MGMT: variants seen among roughly 807,000 people sequenced by gnomAD.
MGMT encodes methylated-DNA--protein-cysteine methyltransferase.
Under a neutral mutation model 15.9 loss-of-function variants are expected in MGMT, and 14 were observed. That is an observed-to-expected ratio of 0.88 (90% CI 0.58 to 1.37). The LOEUF (loss-of-function observed/expected upper bound fraction) is 1.37, where lower values mean the gene tolerates loss of function less well. MGMT is among the 40% of genes most tolerant of loss of function. The pLI, the probability that MGMT is intolerant of heterozygous loss-of-function variation, is 0.00. For synonymous variants in MGMT, 130 were observed against 118.2 expected, an observed-to-expected ratio of 1.10 and a Z score of -0.65; for missense variants, 282 against 268.1, an observed-to-expected ratio of 1.05 and a Z score of -0.36.
At chr10:129,519,275 G>A (rs1275599135) in intron 1 of MGMT, among the ~76,000 whole-genome samples, 1 of 152,146 alleles carries the variant, frequency 6.6e-6, no homozygotes, top group Non-Finnish European at 1.5e-5. Context: ...TAATCAAATG[G>A]AAAGTGCACT....
chr10:129,526,553 T>G (rs1006944481), intron 1 of MGMT, among the ~76,000 whole-genome samples: 6 of 152,180 alleles, frequency 3.9e-5, no homozygotes, highest in Non-Finnish European at 8.8e-5. Flanking sequence ...TGAGGTGTGG[T>G]CTCACTGTGC....
At chr10:129,714,573 A>G (rs1446263121) in intron 3 of MGMT, among the ~76,000 whole-genome samples, 1 of 152,108 alleles carries the variant, frequency 6.6e-6, no homozygotes, top group African/African-American at 2.4e-5. Context: ...ACCCCTCCTC[A>G]AGATACACTA....
chr10:129,580,809 C>A (rs997579774), intron 2 of MGMT, among the ~76,000 whole-genome samples: 1 of 152,222 alleles, frequency 6.6e-6, no homozygotes. Flanking sequence ...CAAGTGCCTT[C>A]CTTGTGTGCT....
chr10:129,687,889 T>A (rs1364686480), intron 2 of MGMT, among the ~76,000 whole-genome samples: 1 of 149,844 alleles, frequency 6.7e-6, no homozygotes, highest in East Asian at 2.0e-4. Flanking sequence ...GATGTTCCCC[T>A]TCCTGTGTCC....
intron 1 of MGMT, among the ~76,000 whole-genome samples, chr10:129,526,310 C>T (rs1192418338): frequency 6.6e-6 from 1 of 152,128 alleles, no homozygotes; most frequent in African/African-American, 2.4e-5. Context: ...TCCCCAATGC[C>T]CCTTATTCCC....
In MGMT at chr10:129,769,771, G is replaced by A. The variant is rs1848980760; in HGVS notation, c.*2774G>A. On this transcript the variant is annotated 3_prime_UTR_variant, in exon 5 of 5. Transcript: ENST00000651593. ...CCTGCATTCCACGTGTCCTGTGGCC[G>A]CCTCCAGTGGTGAGTCTGTGAGGCC... is the stretch of plus-strand genomic sequence containing the variant. Among the ~76,000 whole-genome samples the A allele has an allele frequency of 6.6e-6, 1 of 152,178 alleles. No homozygotes were observed. The highest frequency in any genetic ancestry group is 1.5e-5 in the Non-Finnish European group (1 of 68,050).
chr10:129,603,913 C>G (rs1000597181), intron 2 of MGMT, among the ~76,000 whole-genome samples: 2 of 152,250 alleles, frequency 1.3e-5, no homozygotes, highest in African/African-American at 4.8e-5. Context: ...CCTGTGCCCT[C>G]TTGCAGGTTC....
At chr10:129,512,301 A>T (rs1845692596) in intron 1 of MGMT, among the ~76,000 whole-genome samples, 1 of 151,968 alleles carries the variant, frequency 6.6e-6, no homozygotes, top group East Asian at 1.9e-4. Context: ...ACCCGCTTTA[A>T]CTTCTTCCTA....
chr10:129,546,980 C>A, intron 2 of MGMT, among the ~76,000 whole-genome samples: 1 of 152,238 alleles, frequency 6.6e-6, no homozygotes, highest in African/African-American at 2.4e-5. Context: ...CCCAAACACC[C>A]CAAGTTCTAG....
intron 2 of MGMT, among the ~76,000 whole-genome samples, chr10:129,694,694 G>T (rs1482152994): frequency 6.6e-6 from 1 of 152,110 alleles, no homozygotes; most frequent in African/African-American, 2.4e-5. Flanking sequence ...TTCTTCGCTG[G>T]GTAGAGTTTT....
intron 3 of MGMT, among the ~76,000 whole-genome samples, chr10:129,731,270 C>T (rs1197081728): frequency 6.6e-6 from 1 of 150,932 alleles, no homozygotes; most frequent in Non-Finnish European, 1.5e-5. Flanking sequence ...CTGGACCCCT[C>T]TTTAAGATGA....
At chr10:129,535,768 T>G (rs1466478615) in intron 1 of MGMT, among the ~76,000 whole-genome samples, 1 of 152,254 alleles carries the variant, frequency 6.6e-6, no homozygotes, top group East Asian at 1.9e-4. Context: ...GCATAGGTGC[T>G]GAGTTGAATC....
intron 2 of MGMT, among the ~76,000 whole-genome samples, chr10:129,595,790 A>G (rs1317878952): frequency 2.0e-5 from 3 of 152,108 alleles, no homozygotes; most frequent in Admixed American, 6.5e-5. Flanking sequence ...TAGAAATGAG[A>G]GTCATCTGGC....
At chr10:129,725,003 G>C (rs74160276) in intron 3 of MGMT, among the ~76,000 whole-genome samples, 1,900 of 152,312 alleles carry the variant, frequency 0.012, 43 homozygotes, top group African/African-American at 0.044. Flanking sequence ...TGAATTGTCA[G>C]TGGACCTCCC....
At chr10:129,712,031 A>G (rs188711589) in intron 3 of MGMT, among the ~76,000 whole-genome samples, 18 of 152,296 alleles carry the variant, frequency 1.2e-4, no homozygotes, top group African/African-American at 4.3e-4. Context: ...TTTCTACCTT[A>G]GTTTGCCAAA....
At chr10:129,690,519 A>G (rs1847957432) in intron 2 of MGMT, among the ~76,000 whole-genome samples, 1 of 152,162 alleles carries the variant, frequency 6.6e-6, no homozygotes, top group South Asian at 2.1e-4. Flanking sequence ...ACAGGACCAT[A>G]CCCAGAGCAT....
At chr10:129,574,652 C>T (rs945050072) in intron 2 of MGMT, among the ~76,000 whole-genome samples, 3 of 152,128 alleles carry the variant, frequency 2.0e-5, no homozygotes, top group African/African-American at 7.2e-5. Context: ...GTAGGTTGTC[C>T]TGTACGTCTA....
intron 2 of MGMT, among the ~76,000 whole-genome samples, chr10:129,683,332 G>T (rs889869282): frequency 2.0e-5 from 3 of 152,176 alleles, no homozygotes; most frequent in African/African-American, 7.2e-5. Flanking sequence ...ATTTAGGAAA[G>T]AAAGGAAACT....
intron 3 of MGMT, among the ~76,000 whole-genome samples, chr10:129,728,328 G>A (rs1005520505): frequency 2.0e-5 from 3 of 152,042 alleles, no homozygotes; most frequent in Non-Finnish European, 4.4e-5. Flanking sequence ...CATACAAGTG[G>A]GTGAGAAAAA....
Sources: allele counts gnomAD v4.1 joint callset (sites outside exome capture counted in the v4.1 genomes callset), GRCh38; gene constraint gnomAD v4.1.1; transcripts MANE v1.5; gene names NCBI Gene and HGNC (gene_info 2026-07-23, HGNC 2026-07-21).